The following SND1 variants were observed in gnomAD, a reference collection of about 807,000 sequenced individuals.
SND1 encodes staphylococcal nuclease and tudor domain containing 1, also known as staphylococcal nuclease domain-containing protein 1.
A neutral mutation model predicts 121.7 loss-of-function variants in SND1; 38 were observed. That is an observed-to-expected ratio of 0.31 (90% CI 0.24 to 0.41). SND1 has a LOEUF of 0.41. Among genes scored for constraint, SND1 ranks in the 10% least tolerant of loss-of-function variants. The pLI is 1.00. For missense variants in SND1, 868 were observed against 1,184.6 expected (o/e 0.73, Z 3.92); for synonymous variants, 401 against 447.4 (o/e 0.90, Z 1.31).
intron 10 of SND1, among the ~76,000 whole-genome samples, chr7:127,793,410 A>G (rs1797950305): frequency 6.6e-6 from 1 of 152,152 alleles, no homozygotes; most frequent in Non-Finnish European, 1.5e-5. Context: ...ATTAGAATTA[A>G]TATGTTTAAT....
chr7:128,084,073 AAG>A (rs1793649612), intron 18 of SND1, among the ~76,000 whole-genome samples: 1 of 152,208 alleles, frequency 6.6e-6, no homozygotes, highest in East Asian at 1.9e-4. Flanking sequence ...GCAGCACTGG[AAG>A]TCCTGTTCAG....
At chr7:128,014,375 G>C (rs1584738181) in intron 16 of SND1, among the ~76,000 whole-genome samples, 1 of 131,870 alleles carries the variant, frequency 7.6e-6, no homozygotes, top group East Asian at 2.3e-4. Flanking sequence ...CAAGGTATTT[G>C]ATATAGCATC....
intron 15 of SND1, among the ~76,000 whole-genome samples, chr7:127,955,987 C>T (rs1801583838): frequency 6.6e-6 from 1 of 152,218 alleles, no homozygotes; most frequent in Non-Finnish European, 1.5e-5. Flanking sequence ...TTACTGGCCT[C>T]AGGCATCTAA....
intron 10 of SND1, among the ~76,000 whole-genome samples, chr7:127,738,050 T>C (rs1362857999): frequency 6.6e-6 from 1 of 152,144 alleles, no homozygotes; most frequent in Non-Finnish European, 1.5e-5. Flanking sequence ...TGACTATAAC[T>C]CTATATGGTT....
chr7:127,974,105 G>A (rs117687153), intron 15 of SND1, among the ~76,000 whole-genome samples: 6,116 of 152,350 alleles, frequency 0.04, 166 homozygotes, highest in Non-Finnish European at 0.059. Context: ...TGGCAGGGAA[G>A]AGCTGCCTGA....
chr7:128,037,497 A>G (rs1239350889), intron 16 of SND1, among the ~76,000 whole-genome samples: 1 of 152,206 alleles, frequency 6.6e-6, no homozygotes, highest in Non-Finnish European at 1.5e-5. Context: ...GGGAATGAGG[A>G]TGTACCCCTA....
intron 14 of SND1, among the ~76,000 whole-genome samples, chr7:127,918,396 G>A (rs987083540): frequency 7.2e-5 from 11 of 151,838 alleles, no homozygotes; most frequent in African/African-American, 2.2e-4. Flanking sequence ...CAAAACCTTA[G>A]GCATATTTTT....
At position 127,702,919 on chromosome 7, in the gene SND1, T is replaced by C. The variant is rs1052829578; in HGVS notation, c.682-246T>C. ...CTTTTTTTGGTAAGGGGCCACTTTTTACTGTAATTAAAATTATTGTCCTCA... is the reference window on the plus strand; with the variant it reads ...CTTTTTTTGGTAAGGGGCCACTTTTCACTGTAATTAAAATTATTGTCCTCA... On this transcript the variant is annotated intron_variant, in intron 6 of 23. Transcript: ENST00000354725. 1.3e-5 allele frequency among the ~76,000 whole-genome samples: 2 copies of C among 152,200 alleles called. 1 individual carries two copies. Among genetic ancestry groups the C allele is most frequent in the Admixed American group, 1.3e-4 (2 of 15,282 alleles).
chr7:127,667,448 T>A (rs528003641), intron 1 of SND1, among the ~76,000 whole-genome samples: 1 of 152,332 alleles, frequency 6.6e-6, no homozygotes, highest in African/African-American at 2.4e-5. Flanking sequence ...TACATTTTAC[T>A]CAGGGGCACA....
rs1366366307 is a variant in SND1, at chr7:127,852,547, C to T, written c.1343+8123C>T. 3.3e-5 allele frequency among the ~76,000 whole-genome samples: 5 copies of T among 151,366 alleles called. No individual in the cohort carries two copies. The South Asian group carries it at 8.4e-4, about 25-fold the overall frequency. On this transcript the variant is annotated intron_variant, in intron 12 of 23. Transcript: ENST00000354725. The stretch of plus-strand genomic sequence containing the variant: ...AAAGAAAGCTGGGTGCAGTGGCTCA[C>T]GCCTGTAATCCAAGCACTTTGGGAG...
chr7:128,034,533 T>C (rs944064292), intron 16 of SND1, among the ~76,000 whole-genome samples: 10 of 152,208 alleles, frequency 6.6e-5, no homozygotes, highest in African/African-American at 2.4e-4. Flanking sequence ...TCTGCTACTG[T>C]AGGCAAACTC....
chr7:127,686,571 G>C (rs768172527), intron 1 of SND1, 42 bp from the exon 2 acceptor site: 1 of 1,588,972 alleles, frequency 6.3e-7, no homozygotes, highest in Middle Eastern at 2.0e-4. Context: ...ATGGTGATAC[G>C]GCCTCTGGAC....
chr7:127,924,975 G>C (rs1800800484), intron 14 of SND1, among the ~76,000 whole-genome samples: 1 of 152,116 alleles, frequency 6.6e-6, no homozygotes, highest in African/African-American at 2.4e-5. Flanking sequence ...GGGTCATCCT[G>C]CCATTCTGGA....
chr7:128,076,391 T>C (rs959812420), intron 17 of SND1, among the ~76,000 whole-genome samples: 1 of 152,210 alleles, frequency 6.6e-6, no homozygotes, highest in African/African-American at 2.4e-5. Context: ...TAAAATGCAG[T>C]GCACAACTCT....
At chr7:127,847,716 T>C (rs866499750) in intron 12 of SND1, among the ~76,000 whole-genome samples, 1 of 152,240 alleles carries the variant, frequency 6.6e-6, no homozygotes, top group Non-Finnish European at 1.5e-5. Flanking sequence ...TTTTAAAGCA[T>C]GTGTTATTGA....
intron 16 of SND1, chr7:127,998,463 G>A (rs1441731963): frequency 6.4e-6 from 1 of 155,422 alleles, no homozygotes; most frequent in Non-Finnish European, 1.4e-5. Context: ...TTCACTCTCT[G>A]AACATAGTCT....
chr7:128,087,378 C>T (rs1318834454), intron 21 of SND1, among the ~76,000 whole-genome samples: 2 of 152,158 alleles, frequency 1.3e-5, no homozygotes, highest in Non-Finnish European at 2.9e-5. Context: ...GTGGGGTTGT[C>T]TACCCTGGCA....
intron 15 of SND1, among the ~76,000 whole-genome samples, chr7:127,940,344 C>T (rs1203938915): frequency 3.9e-5 from 6 of 152,186 alleles, no homozygotes; most frequent in Non-Finnish European, 5.9e-5. Flanking sequence ...GGGCATTTCC[C>T]AGCAGCCACT....
At chr7:128,033,246 AAGGGGACT>A (rs919712986) in intron 16 of SND1, among the ~76,000 whole-genome samples, 1 of 152,100 alleles carries the variant, frequency 6.6e-6, no homozygotes, top group Non-Finnish European at 1.5e-5. Context: ...AGTGTAGGAG[AAGGGGACT>A]AGGTCAGCTT....
Sources: allele counts gnomAD v4.1 joint callset (sites outside exome capture counted in the v4.1 genomes callset), GRCh38; gene constraint gnomAD v4.1.1; transcripts MANE v1.5; gene names NCBI Gene and HGNC (gene_info 2026-07-23, HGNC 2026-07-21).